Variants in SNX18 observed in about 807,000 individuals in gnomAD.
SNX18 encodes sorting nexin 18.
SNX18 carries 35 observed loss-of-function variants against 48.7 expected under a neutral mutation model. The ratio of observed to expected loss-of-function variants is 0.72; its 90% confidence interval spans 0.55 to 0.95. The LOEUF (loss-of-function observed/expected upper bound fraction) is 0.95, where lower values mean the gene tolerates loss of function less well. SNX18 is among the 40% of genes least tolerant of loss of function. SNX18 has a pLI of 0.00. For missense variants in SNX18, 824 were observed against 871.0 expected (o/e 0.95, Z 0.68); for synonymous variants, 492 against 384.7 (o/e 1.28, Z -3.26).
chr5:54,519,227 G>A lies in SNX18; in HGVS notation c.1275G>A (p.Glu425=), dbSNP rs372174490. The A allele has an allele frequency of 2.3e-4, 376 of 1,614,028 alleles. No homozygotes were observed. Among genetic ancestry groups the A allele is most frequent in the Middle Eastern group, 1.6e-4 (1 of 6,084 alleles). The change falls in exon 1 of 2, where the codon GAG becomes GAA. Residue 425 remains glutamate, a synonymous_variant. Coordinates refer to ENST00000381410, the MANE Select transcript of SNX18 (RefSeq NM_001102575.2). The stretch of plus-strand genomic sequence containing the variant: ...CTGCCCTTGACCTGCAGGAGGTGGA[G>A]AGCAAGATCGACGGCTTCAAGTGCT... The part of the protein sequence containing the change: ...PAAALDLQEV[E]SKIDGFKCFT...
chr5:54,554,900 G>A, the SNX18 span, among the ~76,000 whole-genome samples: 4 of 152,248 alleles, frequency 2.6e-5, no homozygotes, highest in East Asian at 7.7e-4. Flanking sequence ...GATTCCTTAA[G>A]CCCTCCTCCA....
the SNX18 span, among the ~76,000 whole-genome samples, chr5:54,632,889 C>T: frequency 1.3e-5 from 2 of 152,052 alleles, no homozygotes; most frequent in Non-Finnish European, 2.9e-5. Flanking sequence ...ATTCTCCTGC[C>T]TCGGCCTCCT....
the SNX18 span, among the ~76,000 whole-genome samples, chr5:54,562,588 G>A: frequency 2.0e-5 from 3 of 152,170 alleles, no homozygotes; most frequent in African/African-American, 7.2e-5. Context: ...TGTGTTTACG[G>A]TGATGCTGGT....
the SNX18 span, among the ~76,000 whole-genome samples, chr5:54,575,334 G>A: frequency 1.3e-5 from 2 of 150,896 alleles, no homozygotes; most frequent in South Asian, 2.1e-4. Flanking sequence ...TGAGCTGAAG[G>A]CAGTTGAGAA....
rs1474896151 is a variant in SNX18, at chr5:54,518,575, G to T, written c.623G>T (p.Gly208Val). 4 of 1,579,540 alleles carry T rather than the reference G, an allele frequency of 2.5e-6. No homozygotes were observed. The Admixed American group carries it at 5.4e-5, about 21-fold the overall frequency. The change falls in exon 1 of 2, where the codon GGC becomes GTC. Residue 208 changes from glycine to valine, a missense_variant. Physicochemically the swap from Gly to Val is moderately radical, Grantham distance 109 (BLOSUM62 -3). Coordinates refer to ENST00000381410, the MANE Select transcript of SNX18 (RefSeq NM_001102575.2). Reference protein sequence around the residue: ...RSDLSLGSRGGSVPPQHHPSG... With the variant: ...RSDLSLGSRGVSVPPQHHPSG... ...GACCTGTCCCTGGGTTCCCGCGGCGGCTCGGTCCCCCCGCAGCACCACCCG... is the reference window on the plus strand; with the variant it reads ...GACCTGTCCCTGGGTTCCCGCGGCGTCTCGGTCCCCCCGCAGCACCACCCG...
chr5:54,589,556 G>A, the SNX18 span, among the ~76,000 whole-genome samples: 3 of 152,194 alleles, frequency 2.0e-5, no homozygotes, highest in Non-Finnish European at 4.4e-5. Flanking sequence ...AATGAAGAAA[G>A]AATTTGAAGT....
the SNX18 span, chr5:54,645,873 C>T: frequency 3.7e-4 from 57 of 152,200 alleles, no homozygotes; most frequent in African/African-American, 1.4e-3. Context: ...CTTCTACAAA[C>T]ATTCTGAAGT....
chr5:54,600,468 C>T, the SNX18 span, among the ~76,000 whole-genome samples: 221 of 152,208 alleles, frequency 1.5e-3, 1 homozygote, highest in Admixed American at 2.4e-3. Context: ...CCCAGCAATC[C>T]CATTACTGGG....
the SNX18 span, among the ~76,000 whole-genome samples, chr5:54,639,664 A>G: frequency 6.6e-6 from 1 of 152,212 alleles, no homozygotes; most frequent in South Asian, 2.1e-4. Flanking sequence ...TTACGCACCC[A>G]AAATTCAGAC....
At chr5:54,625,789 G>A in the SNX18 span, among the ~76,000 whole-genome samples, 1 of 152,124 alleles carries the variant, frequency 6.6e-6, no homozygotes, top group Non-Finnish European at 1.5e-5. Context: ...ATAGGCACAT[G>A]ATCCAAACCT....
the SNX18 span, among the ~76,000 whole-genome samples, chr5:54,618,701 A>T: frequency 6.6e-6 from 1 of 152,236 alleles, no homozygotes; most frequent in Non-Finnish European, 1.5e-5. Flanking sequence ...AAGGAAAGGG[A>T]ACCCCAAATG....
the SNX18 span, among the ~76,000 whole-genome samples, chr5:54,578,056 C>G: frequency 0.018 from 2,773 of 152,290 alleles, 75 homozygotes; most frequent in African/African-American, 0.058. Flanking sequence ...TATAGCTCTT[C>G]AAGGTGGGGG....
At chr5:54,627,897 CTT>C in the SNX18 span, among the ~76,000 whole-genome samples, 13 of 152,324 alleles carry the variant, frequency 8.5e-5, no homozygotes, top group South Asian at 2.3e-3. Flanking sequence ...TTGGCAAAGA[CTT>C]TTCAACATGT....
the SNX18 span, among the ~76,000 whole-genome samples, chr5:54,639,358 C>T: frequency 1.3e-5 from 2 of 152,100 alleles, no homozygotes; most frequent in African/African-American, 4.8e-5. Context: ...TATGGAGTGG[C>T]TATTCTTAAT....
At chr5:54,614,777 C>T in the SNX18 span, among the ~76,000 whole-genome samples, 1 of 152,150 alleles carries the variant, frequency 6.6e-6, no homozygotes, top group Non-Finnish European at 1.5e-5. Context: ...AAGATCACAT[C>T]AGTCAAGCCT....
At chr5:54,622,256 TG>T in the SNX18 span, among the ~76,000 whole-genome samples, 1 of 152,232 alleles carries the variant, frequency 6.6e-6, no homozygotes, top group Non-Finnish European at 1.5e-5. Context: ...CCCAGCACTT[TG>T]GGTGGCCAAG....
the SNX18 span, among the ~76,000 whole-genome samples, chr5:54,576,654 CAGT>C: frequency 6.6e-6 from 1 of 152,326 alleles, no homozygotes; most frequent in East Asian, 1.9e-4. Context: ...CACTTTATTA[CAGT>C]AGCAGTGTGA....
chr5:54,588,696 C>T, the SNX18 span, among the ~76,000 whole-genome samples: 1 of 152,142 alleles, frequency 6.6e-6, no homozygotes, highest in African/African-American at 2.4e-5. Flanking sequence ...GCACTGTACA[C>T]CTTCTCAAAC....
chr5:54,624,536 C>T, the SNX18 span, among the ~76,000 whole-genome samples: 1 of 152,184 alleles, frequency 6.6e-6, no homozygotes, highest in African/African-American at 2.4e-5. Context: ...TGAAGCAATT[C>T]AGAACTTACA....
Sources: allele counts gnomAD v4.1 joint callset (sites outside exome capture counted in the v4.1 genomes callset), GRCh38; gene constraint gnomAD v4.1.1; transcripts MANE v1.5; gene names NCBI Gene and HGNC (gene_info 2026-07-23, HGNC 2026-07-21).